Variants in ITGBL1 observed in about 807,000 individuals in gnomAD.
ITGBL1 encodes integrin subunit beta like 1, also known as integrin beta-like protein 1.
A neutral mutation model predicts 68.5 loss-of-function variants in ITGBL1; 51 were observed. The observed-to-expected ratio is 0.74, with a 90% CI of 0.59 to 0.94. The LOEUF is 0.94. Ranked by LOEUF, ITGBL1 falls within the 40% of genes least tolerant of loss-of-function variation. The pLI is 0.00. For missense variants in ITGBL1, 649 were observed against 647.4 expected, an observed-to-expected ratio of 1.00 and a Z score of -0.03; for synonymous variants, 209 against 227.3, an observed-to-expected ratio of 0.92 and a Z score of 0.72.
At chr13:101,695,676 T>C (rs997316468) in intron 8 of ITGBL1, among the ~76,000 whole-genome samples, 1 of 152,140 alleles carries the variant, frequency 6.6e-6, no homozygotes, top group Non-Finnish European at 1.5e-5. Flanking sequence ...ATCTTGAATG[T>C]GTTGGAGAAC....
At chr13:101,629,064 T>TTGTTTTGTTTAGTTG (rs1378379390) in intron 7 of ITGBL1, among the ~76,000 whole-genome samples, 3 of 152,186 alleles carry the variant, frequency 2.0e-5, no homozygotes, top group Non-Finnish European at 2.9e-5. Flanking sequence ...TATGACCTTT[T>TTGTTTTGTTTAGTTG]TGTTTTGTTT....
At chr13:101,589,247 T>G (rs915710681) in intron 6 of ITGBL1, among the ~76,000 whole-genome samples, 6 of 152,200 alleles carry the variant, frequency 3.9e-5, no homozygotes, top group African/African-American at 1.4e-4. Context: ...TTATAGAAAG[T>G]TTATCCATGC....
chr13:101,458,189 A>C (rs560006799), intron 2 of ITGBL1, among the ~76,000 whole-genome samples: 1 of 152,204 alleles, frequency 6.6e-6, no homozygotes, highest in East Asian at 1.9e-4. Flanking sequence ...CATCTGTACA[A>C]ATTTTTATGA....
At chr13:101,540,027 A>C (rs2049662760) in intron 2 of ITGBL1, among the ~76,000 whole-genome samples, 1 of 151,972 alleles carries the variant, frequency 6.6e-6, no homozygotes, top group Non-Finnish European at 1.5e-5. Context: ...ATGGTGGCTT[A>C]TTTTGCTGTG....
chr13:101,542,405 A>C (rs1176859890), intron 2 of ITGBL1, among the ~76,000 whole-genome samples: 4 of 152,138 alleles, frequency 2.6e-5, no homozygotes, highest in African/African-American at 9.7e-5. Flanking sequence ...GTTTAATTGC[A>C]CTGTGGTCTG....
intron 2 of ITGBL1, among the ~76,000 whole-genome samples, chr13:101,540,154 T>C (rs924046203): frequency 6.6e-6 from 1 of 152,184 alleles, no homozygotes; most frequent in African/African-American, 2.4e-5. Context: ...TGGTATTGCC[T>C]AGGTTTTCTT....
At chr13:101,530,874 A>C (rs2049461830) in intron 2 of ITGBL1, among the ~76,000 whole-genome samples, 1 of 152,190 alleles carries the variant, frequency 6.6e-6, no homozygotes, top group South Asian at 2.1e-4. Context: ...ACTGACTATC[A>C]ACTTCAAATT....
At chr13:101,712,259 ACT>A (rs1446459116) in intron 9 of ITGBL1, 3 of 152,230 alleles carry the variant, frequency 2.0e-5, no homozygotes, top group Admixed American at 2.0e-4. Flanking sequence ...TAGAAATGCT[ACT>A]GTTTCATGAC....
At chr13:101,647,587 A>G (rs925286955) in intron 7 of ITGBL1, among the ~76,000 whole-genome samples, 3 of 152,326 alleles carry the variant, frequency 2.0e-5, no homozygotes, top group Admixed American at 6.5e-5. Flanking sequence ...TGGGTGTGCA[A>G]TTCTTCCCTC....
intron 8 of ITGBL1, among the ~76,000 whole-genome samples, chr13:101,697,990 TC>T (rs986869948): frequency 1.3e-5 from 2 of 151,960 alleles, no homozygotes; most frequent in Non-Finnish European, 2.9e-5. Flanking sequence ...AAGCAATTAG[TC>T]CCCCCCATCA....
intron 6 of ITGBL1, among the ~76,000 whole-genome samples, chr13:101,595,867 C>G (rs1258551823): frequency 1.3e-5 from 2 of 152,152 alleles, no homozygotes; most frequent in African/African-American, 4.8e-5. Flanking sequence ...AAATCACTAT[C>G]TTGAAGAGCT....
chr13:101,452,728 C>A lies in ITGBL1; in HGVS notation c.-106C>A, dbSNP rs933200694. Reference sequence around the variant, plus strand: ...CTGCAAGCCTGGGTGTCCGTGGGTCCGTCTGCCCAGCCATCTGCTGGTGGC... The same window carrying A: ...CTGCAAGCCTGGGTGTCCGTGGGTCAGTCTGCCCAGCCATCTGCTGGTGGC... On this transcript the variant is annotated 5_prime_UTR_variant, in exon 1 of 11. Coordinates refer to ENST00000376180, the MANE Select transcript of ITGBL1 (RefSeq NM_004791.3). The A allele has an allele frequency of 1.2e-6, 1 of 858,964 alleles. No individual in the cohort carries two copies. Among genetic ancestry groups the A allele is most frequent in the Non-Finnish European group, 2.0e-6 (1 of 510,092 alleles). 53.2% of individuals were successfully genotyped at this position (858,964 alleles called of 1,614,324 possible).
intron 7 of ITGBL1, among the ~76,000 whole-genome samples, chr13:101,644,048 C>T (rs1051174859): frequency 1.3e-5 from 2 of 152,120 alleles, no homozygotes; most frequent in Non-Finnish European, 2.9e-5. Context: ...TGGCCCAGAT[C>T]CCTGGCTGGC....
intron 7 of ITGBL1, among the ~76,000 whole-genome samples, chr13:101,625,695 G>A (rs914281230): frequency 2.0e-5 from 3 of 152,028 alleles, no homozygotes; most frequent in Non-Finnish European, 2.9e-5. Context: ...TGGGAATACA[G>A]GAGCCTGCCA....
chr13:101,594,304 CA>C (rs1291048226), intron 6 of ITGBL1, among the ~76,000 whole-genome samples: 2 of 152,152 alleles, frequency 1.3e-5, no homozygotes, highest in Non-Finnish European at 1.5e-5. Context: ...TGACTTTAAA[CA>C]AAGATGACAA....
At chr13:101,594,865 G>A (rs917793082) in intron 6 of ITGBL1, among the ~76,000 whole-genome samples, 3 of 152,168 alleles carry the variant, frequency 2.0e-5, no homozygotes, top group Admixed American at 2.0e-4. Context: ...GTTGAGGAAA[G>A]GAGTTGTAGA....
intron 7 of ITGBL1, among the ~76,000 whole-genome samples, chr13:101,631,518 A>G (rs951003590): frequency 6.6e-6 from 1 of 152,170 alleles, no homozygotes; most frequent in African/African-American, 2.4e-5. Flanking sequence ...GCAGAAGAGA[A>G]GTGCAAACAC....
chr13:101,636,648 A>AC (rs2032179116), intron 7 of ITGBL1, among the ~76,000 whole-genome samples: 1 of 152,196 alleles, frequency 6.6e-6, no homozygotes, highest in Non-Finnish European at 1.5e-5. Context: ...GATTAATAGC[A>AC]TTGAACTACT....
chr13:101,650,895 T>C (rs2032729766), intron 7 of ITGBL1, among the ~76,000 whole-genome samples: 1 of 152,210 alleles, frequency 6.6e-6, no homozygotes, highest in African/African-American at 2.4e-5. Flanking sequence ...AGTGAGAACG[T>C]GCAGTGTTTG....
Sources: allele counts gnomAD v4.1 joint callset (sites outside exome capture counted in the v4.1 genomes callset), GRCh38; gene constraint gnomAD v4.1.1; transcripts MANE v1.5; gene names NCBI Gene and HGNC (gene_info 2026-07-23, HGNC 2026-07-21).